Variants in KCNIP1 observed in about 807,000 individuals in gnomAD.
KCNIP1 encodes potassium voltage-gated channel interacting protein 1.
In KCNIP1, 18 loss-of-function variants were observed where a neutral mutation model predicts 33.0. That is an observed-to-expected ratio of 0.55 (90% confidence interval 0.38 to 0.81). The LOEUF (loss-of-function observed/expected upper bound fraction) is 0.81, where lower values mean the gene tolerates loss of function less well. Among genes scored for constraint, KCNIP1 ranks in the 30% least tolerant of loss-of-function variants. The probability of loss-of-function intolerance (pLI) is 0.00; values close to 1 mark genes in which losing one functional copy is unlikely to be tolerated. For synonymous variants in KCNIP1, 93 were observed against 98.3 expected, an observed-to-expected ratio of 0.95 and a Z score of 0.32; for missense variants, 238 against 271.6, an observed-to-expected ratio of 0.88 and a Z score of 0.87.
chr5:170,666,710 A>G (rs1213251966), intron 1 of KCNIP1, among the ~76,000 whole-genome samples: 2 of 152,178 alleles, frequency 1.3e-5, no homozygotes, highest in Non-Finnish European at 2.9e-5. Flanking sequence ...TCTCTGCCAG[A>G]CCAAGGGATA....
At chr5:170,449,976 C>T (rs1162219131) in intron 1 of KCNIP1, among the ~76,000 whole-genome samples, 3 of 152,134 alleles carry the variant, frequency 2.0e-5, no homozygotes, top group Non-Finnish European at 2.9e-5. Flanking sequence ...TGGCTGAAGG[C>T]AGCTGAATTT....
intron 1 of KCNIP1, chr5:170,681,329 C>T (rs1762337353): frequency 5.2e-6 from 2 of 386,246 alleles, no homozygotes; most frequent in Non-Finnish European, 9.2e-6. Context: ...TTGGTCCCCG[C>T]CTCCCCAGTC....
chr5:170,488,633 A>C (rs1757144398), intron 1 of KCNIP1, among the ~76,000 whole-genome samples: 2 of 152,216 alleles, frequency 1.3e-5, no homozygotes, highest in South Asian at 4.1e-4. Context: ...AGCTCCGAGA[A>C]GCAAGCAGGC....
intron 1 of KCNIP1, among the ~76,000 whole-genome samples, chr5:170,386,484 G>A (rs757932164): frequency 6.6e-6 from 1 of 152,198 alleles, no homozygotes; most frequent in Non-Finnish European, 1.5e-5. Context: ...TAGGTCCCAT[G>A]CGGTGAGCGA....
In KCNIP1 at chr5:170,568,648, TAAAAAAAAA is replaced by T. The variant is rs33992187; in HGVS notation, c.61+64032_61+64040del. Among the ~76,000 whole-genome samples, 28 of 43,730 alleles carry T rather than the reference TAAAAAAAAA, an allele frequency of 6.4e-4. 1 individual carries two copies. In the East Asian group the frequency reaches 0.011, roughly 18 times the overall value. 28.7% of individuals were successfully genotyped at this position (43,730 alleles called of 152,430 possible). A position where few individuals can be genotyped will look rare whatever the true frequency, so the allele number is the denominator to read the frequency against. ...CGAACATGGTGAAACCCGTTTCTAC[TAAAAAAAAA>T]AAAAAAAAAAAAAAAATTAGCCAAG... On this transcript the variant is annotated intron_variant, in intron 1 of 7. Coordinates refer to ENST00000328939, the MANE Select transcript of KCNIP1 (RefSeq NM_014592.4).
intron 1 of KCNIP1, among the ~76,000 whole-genome samples, chr5:170,370,740 G>A (rs1763821760): frequency 6.6e-6 from 1 of 152,240 alleles, no homozygotes; most frequent in Non-Finnish European, 1.5e-5. Context: ...GCATGGCTGA[G>A]AGGCTCCTGT....
chr5:170,425,181 A>G (rs538002934), intron 1 of KCNIP1, among the ~76,000 whole-genome samples: 91 of 152,280 alleles, frequency 6.0e-4, no homozygotes, highest in African/African-American at 1.8e-3. Context: ...TCCCACTATA[A>G]TGTAAGCTCC....
exon 1 of KCNIP1, chr5:170,353,510 G>A: frequency 3.3e-6 from 1 of 299,072 alleles, no homozygotes; most frequent in Admixed American, 4.6e-5. Context: ...AGCAAAGCCT[G>A]GGAGAGCTCC....
intron 1 of KCNIP1, among the ~76,000 whole-genome samples, chr5:170,651,224 G>A (rs1761030712): frequency 6.6e-6 from 1 of 152,208 alleles, no homozygotes; most frequent in African/African-American, 2.4e-5. Context: ...GTCACCAAGA[G>A]AGGCAGTGGG....
intron 1 of KCNIP1, chr5:170,378,691 T>C: frequency 4.4e-6 from 7 of 1,599,682 alleles, no homozygotes; most frequent in Non-Finnish European, 4.3e-6. Flanking sequence ...TGGTATGGCA[T>C]GGATGGATGG....
At chr5:170,621,346 A>G (rs557208743) in intron 1 of KCNIP1, among the ~76,000 whole-genome samples, 41 of 92,256 alleles carry the variant, frequency 4.4e-4, no homozygotes, top group Admixed American at 1.9e-3. Context: ...ATCTAAGATT[A>G]TAGGGGCTGC....
intron 1 of KCNIP1, among the ~76,000 whole-genome samples, chr5:170,550,557 AATGATGGTGATG>A (rs566255035): frequency 9.0e-4 from 122 of 136,214 alleles, no homozygotes; most frequent in Admixed American, 1.5e-3. Context: ...TGGTGATGAC[AATGATGGTGATG>A]ATGATGGTGA....
intron 1 of KCNIP1, chr5:170,385,381 T>C (rs749039000): frequency 4.3e-6 from 7 of 1,614,118 alleles, no homozygotes; most frequent in Non-Finnish European, 5.1e-6. Context: ...CACACCACCA[T>C]GGTTACACCC....
At chr5:170,716,538 G>A (rs555524502) in intron 1 of KCNIP1, among the ~76,000 whole-genome samples, 12 of 152,158 alleles carry the variant, frequency 7.9e-5, no homozygotes, top group African/African-American at 2.6e-4. Context: ...TGATGAAAAC[G>A]AAAAACAAAA....
chr5:170,400,451 C>T (rs1754873266), intron 1 of KCNIP1, among the ~76,000 whole-genome samples: 1 of 152,118 alleles, frequency 6.6e-6, no homozygotes, highest in Non-Finnish European at 1.5e-5. Flanking sequence ...AGACTTCCCC[C>T]ATGATCCAAT....
At chr5:170,451,771 T>TGTGTGTGTGTGTGTGTGTGTG (rs1554093584) in intron 1 of KCNIP1, among the ~76,000 whole-genome samples, 2 of 50,402 alleles carry the variant, frequency 4.0e-5, no homozygotes, top group South Asian at 6.1e-4. Flanking sequence ...GTGTGTGTGT[T>TGTGTGTGTGTGTGTGTGTGTG]TGCAGGGGGA....
At chr5:170,574,966 C>T (rs1757547320) in intron 1 of KCNIP1, among the ~76,000 whole-genome samples, 1 of 152,106 alleles carries the variant, frequency 6.6e-6, no homozygotes, top group Non-Finnish European at 1.5e-5. Context: ...TATGAAGCAA[C>T]AGTATTCGAA....
At chr5:170,358,343 C>T (rs968029507) in intron 1 of KCNIP1, among the ~76,000 whole-genome samples, 6 of 152,158 alleles carry the variant, frequency 3.9e-5, no homozygotes, top group Non-Finnish European at 7.4e-5. Context: ...TCTCCCCTCC[C>T]GCCCAGGCCC....
At chr5:170,621,620 C>T (rs1382552493) in intron 1 of KCNIP1, among the ~76,000 whole-genome samples, 1 of 152,204 alleles carries the variant, frequency 6.6e-6, no homozygotes, top group East Asian at 1.9e-4. Flanking sequence ...AAGTGACTCC[C>T]ACTTCAGCCT....
Sources: allele counts gnomAD v4.1 joint callset (sites outside exome capture counted in the v4.1 genomes callset), GRCh38; gene constraint gnomAD v4.1.1; transcripts MANE v1.5; gene names NCBI Gene and HGNC (gene_info 2026-07-23, HGNC 2026-07-21).